The following FKTN variants were observed in gnomAD, a reference collection of about 807,000 sequenced individuals.
FKTN encodes fukutin.
In FKTN, 47 loss-of-function variants were observed where a neutral mutation model predicts 58.6. The observed-to-expected ratio is 0.80, with a 90% CI of 0.63 to 1.02. The LOEUF (loss-of-function observed/expected upper bound fraction) is 1.02. Among genes scored for constraint, FKTN ranks in the 50% least tolerant of loss-of-function variants. The pLI, the probability that FKTN is intolerant of heterozygous loss-of-function variation, is 0.00. For synonymous variants in FKTN, 178 were observed against 191.9 expected (o/e 0.93, Z 0.60); for missense variants, 516 against 537.3 (o/e 0.96, Z 0.39).
At chr9:105,567,318 A>C (rs1300251471) in intron 1 of FKTN, among the ~76,000 whole-genome samples, 1 of 152,194 alleles carries the variant, frequency 6.6e-6, no homozygotes, top group Admixed American at 6.5e-5. Context: ...CAGGAGAAAG[A>C]AATAAAAGAT....
In FKTN at chr9:105,564,558, A is replaced by G. The variant is rs183177402; in HGVS notation, c.-181+6393A>G. 9.0e-3 allele frequency among the ~76,000 whole-genome samples: 1,377 copies of G among 152,354 alleles called. 22 individuals carry two copies. Among genetic ancestry groups the G allele is most frequent in the African/African-American group, 0.032 (1,320 of 41,580 alleles). ...GAAGAAAGGGTATCAGTGATGGAAG[A>G]TCAAATGAATGAAATGAAGCCAGAA... On this transcript the variant is annotated intron_variant, in intron 1 of 10. Coordinates refer to ENST00000357998, the MANE Select transcript of FKTN (RefSeq NM_001079802.2).
At chr9:105,587,835 G>A (rs559837255) in intron 3 of FKTN, among the ~76,000 whole-genome samples, 80 of 152,242 alleles carry the variant, frequency 5.3e-4, no homozygotes, top group African/African-American at 1.7e-3. Flanking sequence ...ATTTATGAGT[G>A]ATTCACTAAT....
rs58977246 is a variant in FKTN, at chr9:105,620,775, A to ATAGTAGTAGTAGTAG, written c.1172+747_1172+761dup. On this transcript the variant is annotated intron_variant, in intron 10 of 10. Transcript: ENST00000357998. ...ATTACCTGCTGTTACTAATACTACT[A>ATAGTAGTAGTAGTAG]TAGTAGTAGTAGTAGTAGTAGTAGT... Among the ~76,000 whole-genome samples the ATAGTAGTAGTAGTAG allele has an allele frequency of 5.2e-3, 757 of 145,430 alleles. 3 individuals carry two copies. The highest frequency in any genetic ancestry group is 6.4e-3 in the Admixed American group (92 of 14,400).
At chr9:105,617,829 TG>T in intron 8 of FKTN, 129 bp from the exon 9 acceptor site, 1 of 633,036 alleles carries the variant, frequency 1.6e-6, no homozygotes, top group Non-Finnish European at 2.8e-6. Flanking sequence ...GCGTACAGCC[TG>T]GGCAATATAG....
In FKTN at chr9:105,637,427, G is replaced by C; in HGVS notation, c.*2163G>C. On this transcript the variant is annotated 3_prime_UTR_variant, in exon 11 of 11. Coordinates refer to ENST00000357998, the MANE Select transcript of FKTN (RefSeq NM_001079802.2). ...CTTTTCTTGTCTTCTGGTTTCACAG[G>C]CTTCAGCTCATGGGTTCCACCCTAA... The C allele has an allele frequency of 4.1e-6, 4 of 985,354 alleles. No individual in the cohort carries two copies. Among genetic ancestry groups the C allele is most frequent in the Non-Finnish European group, 4.8e-6 (4 of 829,918 alleles). 61.0% of individuals were successfully genotyped at this position (985,354 alleles called of 1,614,324 possible).
intron 4 of FKTN, chr9:105,598,246 G>GCA (rs1225484843): frequency 2.9e-5 from 11 of 384,998 alleles, no homozygotes; most frequent in Middle Eastern, 4.1e-4. Flanking sequence ...TGTGGTCACT[G>GCA]AATGACTATA....
intron 9 of FKTN, among the ~76,000 whole-genome samples, chr9:105,619,106 CATAA>C (rs906112553): frequency 6.7e-5 from 10 of 150,372 alleles, no homozygotes; most frequent in Non-Finnish European, 7.4e-5. Flanking sequence ...TTTTTTCCAT[CATAA>C]ATAGTTATTT....
Position 105,601,164 on chromosome 9 carries a change from TTA to T in FKTN, c.187_188del (p.Met63ValfsTer13), listed in dbSNP as rs587777813. The T allele has an allele frequency of 4.4e-6, 7 of 1,603,696 alleles. No individual in the cohort carries two copies. Among genetic ancestry groups the T allele is most frequent in the Non-Finnish European group, 6.0e-6 (7 of 1,171,294 alleles). ...AAACAGCGTGCAGTTAAAAAATTTA[TTA>T]TGTTAACATCCAACCAAAATGTACC... is the stretch of plus-strand genomic sequence containing the variant. On this transcript the variant is annotated frameshift_variant, in exon 5 of 11. Coordinates refer to ENST00000357998, the MANE Select transcript of FKTN (RefSeq NM_001079802.2). LOFTEE classifies it high-confidence loss of function.
Position 105,601,286 on chromosome 9 carries a change from T to A in FKTN, c.307T>A (p.Phe103Ile). 1 of 1,612,704 alleles carries A rather than the reference T, an allele frequency of 6.2e-7. No individual in the cohort carries two copies. Among genetic ancestry groups the A allele is most frequent in the Non-Finnish European group, 8.5e-7 (1 of 1,179,530 alleles). The change falls in exon 5 of 11, where the codon TTT becomes ATT. Residue 103 changes from phenylalanine to isoleucine, a missense_variant. By Grantham distance (21) the Phe-to-Ile change is conservative. Transcript: ENST00000357998. The part of the protein sequence containing the change: ...TSHGSTSQCK[F>I]FCVPRDFTAF... ...TCATGGCTCTACTTCACAATGCAAG[T>A]TTTTCTGTGTTCCAAGAGACTTTAC...
intron 7 of FKTN, among the ~76,000 whole-genome samples, chr9:105,614,631 G>A (rs1830485138): frequency 6.6e-6 from 1 of 152,120 alleles, no homozygotes; most frequent in Non-Finnish European, 1.5e-5. Flanking sequence ...AGCTATGTTT[G>A]TAGCTCTCAT....
chr9:105,567,286 G>A (rs772819645), intron 1 of FKTN, among the ~76,000 whole-genome samples: 8 of 152,134 alleles, frequency 5.3e-5, no homozygotes, highest in African/African-American at 1.9e-4. Context: ...TGGTGTTGGA[G>A]GTTCTGGCCA....
chr9:105,638,866 A>G lies in FKTN; in HGVS notation c.*3602A>G. ...ATTGTTTTTATTCTTACACGACTACAGTACTTCAAATGGCACATAGATAGG... is the reference window on the plus strand; with the variant it reads ...ATTGTTTTTATTCTTACACGACTACGGTACTTCAAATGGCACATAGATAGG... On this transcript the variant is annotated 3_prime_UTR_variant, in exon 11 of 11. Transcript: ENST00000357998. The G allele has an allele frequency of 1.0e-6, 1 of 984,954 alleles. No homozygotes were observed. The highest frequency in any genetic ancestry group is 1.2e-6 in the Non-Finnish European group (1 of 829,496). 61.0% of individuals were successfully genotyped at this position (984,954 alleles called of 1,614,324 possible).
At chr9:105,598,327 C>T (rs998892778) in intron 4 of FKTN, 1 of 282,146 alleles carries the variant, frequency 3.5e-6, no homozygotes, top group Non-Finnish European at 7.3e-6. Context: ...AAGGTGAAAT[C>T]TCATCAATAG....
chr9:105,568,157 A>G (rs567712018), intron 1 of FKTN, among the ~76,000 whole-genome samples: 1 of 152,176 alleles, frequency 6.6e-6, no homozygotes, highest in Non-Finnish European at 1.5e-5. Context: ...TGGATTAAAG[A>G]CTTAAATGTT....
rs79474389 is a variant in FKTN at position 105,570,973 on chromosome 9, G to A, written c.-180-2682G>A. ...TACTCATGCAAAAACCATAGACTAT[G>A]TGAAGTGTGAGAAAGCTTATAGTAA... is the stretch of plus-strand genomic sequence containing the variant. On this transcript the variant is annotated intron_variant, in intron 1 of 10. Coordinates refer to ENST00000357998, the MANE Select transcript of FKTN (RefSeq NM_001079802.2). Among the ~76,000 whole-genome samples, 1,376 of 152,278 alleles carry A rather than the reference G, an allele frequency of 9.0e-3. 22 individuals carry two copies. The highest frequency in any genetic ancestry group is 0.032 in the African/African-American group (1,320 of 41,554).
intron 9 of FKTN, 144 bp from the exon 10 acceptor site, chr9:105,619,790 C>A: frequency 1.5e-6 from 1 of 678,902 alleles, no homozygotes; most frequent in Non-Finnish European, 2.4e-6. Flanking sequence ...GGTGCCTTAA[C>A]TTGAAAAAAT....
At chr9:105,607,406 T>C (rs1829091642) in intron 6 of FKTN, among the ~76,000 whole-genome samples, 1 of 152,000 alleles carries the variant, frequency 6.6e-6, no homozygotes, top group Non-Finnish European at 1.5e-5. Context: ...AATATATTAA[T>C]ATATAAATAC....
At chr9:105,596,458 G>GATTAT in intron 3 of FKTN, 140 bp from the exon 4 acceptor site, 1 of 665,702 alleles carries the variant, frequency 1.5e-6, no homozygotes, top group Non-Finnish European at 2.7e-6. Flanking sequence ...CTTAGCTCAT[G>GATTAT]ACTATATGAA....
intron 1 of FKTN, among the ~76,000 whole-genome samples, chr9:105,563,511 G>A (rs1436759697): frequency 6.6e-6 from 1 of 152,058 alleles, no homozygotes; most frequent in Non-Finnish European, 1.5e-5. Flanking sequence ...TATATCCCAC[G>A]CCTGGCTCGG....
Sources: allele counts gnomAD v4.1 joint callset (sites outside exome capture counted in the v4.1 genomes callset), GRCh38; gene constraint gnomAD v4.1.1; transcripts MANE v1.5; gene names NCBI Gene and HGNC (gene_info 2026-07-23, HGNC 2026-07-21).